The following UNC13C variants were observed in gnomAD, a reference collection of about 807,000 sequenced individuals.
UNC13C encodes unc-13 homolog C, also known as protein unc-13 homolog C.
In UNC13C, 174 loss-of-function variants were observed where a neutral mutation model predicts 245.4. The ratio of observed to expected loss-of-function variants is 0.71; its 90% confidence interval spans 0.63 to 0.80. The LOEUF is 0.80. Among genes scored for constraint, UNC13C ranks in the 30% least tolerant of loss-of-function variants. UNC13C has a pLI of 0.00. For synonymous variants in UNC13C, 992 were observed against 895.1 expected, an observed-to-expected ratio of 1.11 and a Z score of -1.93; for missense variants, 2,829 against 2,602.9, an observed-to-expected ratio of 1.09 and a Z score of -1.89.
At chr15:54,466,625 A>G (rs72736524) in intron 19 of UNC13C, among the ~76,000 whole-genome samples, 19,056 of 151,756 alleles carry the variant, frequency 0.13, 1,320 homozygotes, top group Non-Finnish European at 0.17. Context: ...CAAAAAAATT[A>G]TATATGTGAT....
intron 19 of UNC13C, among the ~76,000 whole-genome samples, chr15:54,449,754 A>T (rs1324220252): frequency 1.3e-5 from 2 of 152,090 alleles, no homozygotes; most frequent in African/African-American, 4.8e-5. Flanking sequence ...TTTGATCGTC[A>T]GAAGCCTTCT....
At chr15:53,986,335 G>GT (rs1197096080) in intron 1 of UNC13C, among the ~76,000 whole-genome samples, 1 of 152,024 alleles carries the variant, frequency 6.6e-6, no homozygotes, top group Admixed American at 6.6e-5. Context: ...GCCTAGCTTT[G>GT]TAAGTTTTCC....
At chr15:54,468,643 T>G (rs1381059452) in intron 19 of UNC13C, among the ~76,000 whole-genome samples, 1 of 151,658 alleles carries the variant, frequency 6.6e-6, no homozygotes, top group African/African-American at 2.4e-5. Flanking sequence ...GAGTTAAGGG[T>G]CCATTTTCAT....
intron 13 of UNC13C, chr15:54,320,736 G>T: frequency 2.7e-6 from 1 of 377,268 alleles, no homozygotes; most frequent in Admixed American, 2.9e-5. Flanking sequence ...AAGATCTTCT[G>T]CCACTGCCAT....
the UNC13C span, among the ~76,000 whole-genome samples, chr15:53,854,538 A>G: frequency 8.6e-4 from 131 of 152,268 alleles, no homozygotes; most frequent in Middle Eastern, 3.4e-3. Flanking sequence ...CCAACACCAT[A>G]TATTAAATAG....
chr15:54,398,575 G>A (rs1196348286), intron 18 of UNC13C, among the ~76,000 whole-genome samples: 2 of 151,218 alleles, frequency 1.3e-5, no homozygotes, highest in African/African-American at 4.8e-5. Context: ...AATCATCCGG[G>A]CTTAGAGTTT....
In UNC13C at chr15:54,587,386, T is replaced by G. The variant is rs544810863; in HGVS notation, c.6106+19439T>G. Among the ~76,000 whole-genome samples, 15 of 152,356 alleles carry G rather than the reference T, an allele frequency of 9.8e-5. No homozygotes were observed. The South Asian group carries it at 2.9e-3, about 29-fold the overall frequency. ...AGAGTCTATTGTAAGGAAACAGTTA[T>G]CTGCATGTCTTCCCAGTTTTTAAAA... On this transcript the variant is annotated intron_variant, in intron 30 of 32. Coordinates refer to ENST00000260323, the MANE Select transcript of UNC13C (RefSeq NM_001080534.3).
chr15:54,262,215 C>G (rs1197765415), intron 8 of UNC13C, among the ~76,000 whole-genome samples: 2 of 152,088 alleles, frequency 1.3e-5, no homozygotes, highest in African/African-American at 4.8e-5. Flanking sequence ...AAAAATAATC[C>G]AAAGTATATT....
chr15:54,012,894 A>G lies in UNC13C; in HGVS notation c.-10A>G. On this transcript the variant is annotated 5_prime_UTR_variant, in exon 2 of 33. Coordinates refer to ENST00000260323, the MANE Select transcript of UNC13C (RefSeq NM_001080534.3). ...TTCTGGGGCAGAAAAGCTTGCACTA[A>G]TTGCTCTCCATGGTGGCTAATTTTT... 3 of 1,570,636 alleles carry G rather than the reference A, an allele frequency of 1.9e-6. No homozygotes were observed. Among genetic ancestry groups the G allele is most frequent in the Non-Finnish European group, 2.6e-6 (3 of 1,162,062 alleles).
chr15:54,539,446 A>T (rs1233606642), intron 26 of UNC13C, among the ~76,000 whole-genome samples: 1 of 152,080 alleles, frequency 6.6e-6, no homozygotes, highest in Non-Finnish European at 1.5e-5. Context: ...TAGTTAATGT[A>T]GACTTTCACT....
intron 2 of UNC13C, among the ~76,000 whole-genome samples, chr15:54,022,688 C>T (rs1039817400): frequency 6.6e-6 from 1 of 152,172 alleles, no homozygotes; most frequent in African/African-American, 2.4e-5. Context: ...ATATTTTCTT[C>T]CAATTCATGG....
At chr15:54,000,536 G>T (rs1894838999) in intron 1 of UNC13C, among the ~76,000 whole-genome samples, 1 of 152,032 alleles carries the variant, frequency 6.6e-6, no homozygotes. Context: ...TCTATCAAGT[G>T]GTTTTAACAT....
At chr15:54,116,440 C>T (rs1595875172) in intron 2 of UNC13C, among the ~76,000 whole-genome samples, 1 of 152,132 alleles carries the variant, frequency 6.6e-6, no homozygotes, top group Non-Finnish European at 1.5e-5. Context: ...CCCCCATACC[C>T]TTCCCAGCCT....
intron 19 of UNC13C, among the ~76,000 whole-genome samples, chr15:54,451,727 A>G (rs1326394164): frequency 1.3e-5 from 2 of 152,080 alleles, no homozygotes; most frequent in Non-Finnish European, 2.9e-5. Context: ...CTTATTTAAT[A>G]TCATTACTTT....
intron 4 of UNC13C, among the ~76,000 whole-genome samples, chr15:54,192,335 A>AT (rs1323144274): frequency 1.3e-5 from 2 of 151,742 alleles, no homozygotes; most frequent in African/African-American, 4.8e-5. Context: ...TTGTTCTGTC[A>AT]TTTTTTTAAA....
At chr15:53,899,591 CT>C in the UNC13C span, among the ~76,000 whole-genome samples, 3 of 151,270 alleles carry the variant, frequency 2.0e-5, no homozygotes, top group Admixed American at 6.6e-5. Context: ...AGTCTCTCTA[CT>C]TTTTTTTTAG....
chr15:54,442,353 G>A (rs1890576542), intron 19 of UNC13C, among the ~76,000 whole-genome samples: 1 of 150,596 alleles, frequency 6.6e-6, no homozygotes, highest in African/African-American at 2.4e-5. Context: ...CTCCTGAATA[G>A]CTGGGATTAC....
Position 54,627,277 on chromosome 15 carries a change from G to A in UNC13C, c.*164G>A. The A allele has an allele frequency of 1.5e-6, 1 of 661,060 alleles. No individual in the cohort carries two copies. 40.9% of individuals were successfully genotyped at this position (661,060 alleles called of 1,614,324 possible). Reference sequence around the variant, plus strand: ...CCTGCTGAACTTTTATACCAATTCTGGTCTTTGGGAAATCAGTGTTCCATG... The same window carrying A: ...CCTGCTGAACTTTTATACCAATTCTAGTCTTTGGGAAATCAGTGTTCCATG... On this transcript the variant is annotated 3_prime_UTR_variant, in exon 33 of 33. Coordinates refer to ENST00000260323, the MANE Select transcript of UNC13C (RefSeq NM_001080534.3).
rs146348108 is a variant in UNC13C, at chr15:54,295,123, ACCCC to A, written c.3988+1062_3988+1065del. Among the ~76,000 whole-genome samples the A allele has an allele frequency of 4.6e-3, 694 of 152,200 alleles. 6 individuals are homozygous for A. The highest frequency in any genetic ancestry group is 0.016 in the African/African-American group (666 of 41,532). ...ATTTTTACCTCTGCTATAATGAGCC[ACCCC>A]CCAAAGCTTGTTTTAACTATTAAAT... On this transcript the variant is annotated intron_variant, in intron 11 of 32. Transcript: ENST00000260323.
Sources: gnomAD v4.1 joint callset for allele counts (sites outside exome capture counted in the v4.1 genomes callset) on GRCh38, gnomAD v4.1.1 for gene constraint, MANE v1.5 for transcripts, NCBI Gene and HGNC (gene_info 2026-07-23, HGNC 2026-07-21) for gene names.